The following NR4A1 variants were observed in gnomAD, a reference collection of about 807,000 sequenced individuals.
NR4A1 encodes nuclear receptor subfamily 4 group A member 1.
A neutral mutation model predicts 47.5 loss-of-function variants in NR4A1; 24 were observed. The observed-to-expected ratio is 0.50, with a 90% CI of 0.37 to 0.71. NR4A1 has a LOEUF of 0.71. Among genes scored for constraint, NR4A1 ranks in the 30% least tolerant of loss-of-function variants. The pLI is 0.00. For missense variants in NR4A1, 669 were observed against 788.6 expected (o/e 0.85, Z 1.82); for synonymous variants, 353 against 345.7 (o/e 1.02, Z -0.24).
chr12:52,028,732 C>T (rs1250533281), intron 1 of NR4A1, among the ~76,000 whole-genome samples: 8 of 151,872 alleles, frequency 5.3e-5, no homozygotes, highest in South Asian at 2.1e-4. Context: ...GGTGAAACCC[C>T]GTCTCTACTA....
chr12:52,056,238 C>A, intron 3 of NR4A1, 79 bp downstream of exon 3: 1 of 1,503,810 alleles, frequency 6.6e-7, no homozygotes, highest in Non-Finnish European at 8.9e-7. Context: ...CAGGCTTCTG[C>A]CCTGGAGGAC....
At chr12:52,032,421 A>C (rs1353562987) in intron 1 of NR4A1, among the ~76,000 whole-genome samples, 1 of 152,222 alleles carries the variant, frequency 6.6e-6, no homozygotes, top group East Asian at 1.9e-4. Flanking sequence ...GATCCTGGGT[A>C]CTTCTCAGCG....
At chr12:52,055,894 A>C in intron 2 of NR4A1, 136 bp from the exon 3 acceptor site, 1 of 453,084 alleles carries the variant, frequency 2.2e-6, no homozygotes, top group Non-Finnish European at 3.8e-6. Flanking sequence ...TTGCCACCCA[A>C]ATGTTAGAAA....
Position 52,055,015 on chromosome 12 carries a change from C to A in NR4A1, c.687C>A (p.Ala229=). The A allele has an allele frequency of 6.2e-7, 1 of 1,614,232 alleles. No homozygotes were observed. The highest frequency in any genetic ancestry group is 1.1e-5 in the South Asian group (1 of 91,090). Residue 229 remains alanine, a synonymous_variant, in exon 2 of 7, where the codon GCC becomes GCA. Coordinates refer to ENST00000394825, the MANE Select transcript of NR4A1 (RefSeq NM_173157.3). The part of the protein sequence containing the change: ...GEGESYSMPT[A]FPGLAPTSPH... ...GAGAGAGCTATTCCATGCCTACGGC[C>A]TTCCCAGGTTTGGCACCCACTTCTC...
chr12:52,032,467 C>A (rs570616978), intron 1 of NR4A1, among the ~76,000 whole-genome samples: 105 of 152,306 alleles, frequency 6.9e-4, no homozygotes, highest in Middle Eastern at 6.8e-3. Flanking sequence ...CATAATAAAT[C>A]TTTTTCTATA....
At chr12:52,038,196 C>G (rs1938312239) in intron 1 of NR4A1, 1 of 512,166 alleles carries the variant, frequency 2.0e-6, no homozygotes, top group African/African-American at 2.1e-5. Flanking sequence ...TCCAGAGTAG[C>G]TGGGACTACA....
At chr12:52,025,956 G>A (rs1205129633) in intron 1 of NR4A1, among the ~76,000 whole-genome samples, 1 of 152,230 alleles carries the variant, frequency 6.6e-6, no homozygotes, top group African/African-American at 2.4e-5. Flanking sequence ...CCGGAAGCAG[G>A]AGGGCCCCCT....
upstream of NR4A1, among the ~76,000 whole-genome samples, chr12:52,049,657 AGAC>A (rs1260515623): frequency 1.3e-4 from 20 of 152,344 alleles, no homozygotes; most frequent in East Asian, 2.3e-3. Flanking sequence ...CTTGTCTCAA[AGAC>A]AACAAAACAA....
At chr12:52,025,152 C>G (rs1937977732) in intron 1 of NR4A1, among the ~76,000 whole-genome samples, 1 of 151,972 alleles carries the variant, frequency 6.6e-6, no homozygotes, top group African/African-American at 2.4e-5. Context: ...CTCCGTCCCC[C>G]GGGTTCAAGT....
At chr12:52,040,732 G>A (rs1428509695) in intron 1 of NR4A1, among the ~76,000 whole-genome samples, 2 of 152,188 alleles carry the variant, frequency 1.3e-5, no homozygotes, top group East Asian at 3.9e-4. Context: ...TAGACCTTGG[G>A]CAAAGGTCAG....
rs1014231126 is a variant in NR4A1, at chr12:52,056,278, C to T, written c.1006+119C>T. ...AGGAGGGCACGTCTTATTTCCACCC[C>T]ACCTCTGAACCCCAGGCCTTGGAGG... On this transcript the variant is annotated intron_variant, in intron 3 of 6. Coordinates refer to ENST00000394825, the MANE Select transcript of NR4A1 (RefSeq NM_173157.3). The T allele has an allele frequency of 1.7e-5, 24 of 1,438,544 alleles. 2 individuals are homozygous for T. In the Admixed American group the frequency reaches 3.2e-4, roughly 19 times the overall value. 89.1% of individuals were successfully genotyped at this position (1,438,544 alleles called of 1,614,324 possible).
At chr12:52,025,616 C>T (rs987667957) in intron 1 of NR4A1, among the ~76,000 whole-genome samples, 1 of 152,194 alleles carries the variant, frequency 6.6e-6, no homozygotes, top group Admixed American at 6.5e-5. Context: ...CTTCATTGCA[C>T]TTCTCGTTAT....
At chr12:52,053,264 G>T (rs920557148) in intron 1 of NR4A1, among the ~76,000 whole-genome samples, 2 of 152,056 alleles carry the variant, frequency 1.3e-5, no homozygotes, top group African/African-American at 4.8e-5. Context: ...CTCTCTTCAG[G>T]CTCCTCGGGA....
Position 52,058,793 on chromosome 12 carries a change from C to G in NR4A1, c.1646C>G (p.Ala549Gly). Residue 549 changes from alanine to glycine, a missense_variant, in exon 7 of 7, where the codon GCC becomes GGC. Ala to Gly is a moderately conservative substitution (Grantham distance 60, BLOSUM62 0). Coordinates refer to ENST00000394825, the MANE Select transcript of NR4A1 (RefSeq NM_173157.3). Reference protein sequence around the residue: ...VAAVAGEPQPASCLSRLLGKL... With the variant: ...VAAVAGEPQPGSCLSRLLGKL... ...GCTGTGGCGGGCGAGCCCCAGCCAG[C>G]CAGCTGCCTGTCACGTCTGTTGGGC... is the stretch of plus-strand genomic sequence containing the variant. The G allele has an allele frequency of 6.2e-7, 1 of 1,612,610 alleles. No individual in the cohort carries two copies. Among genetic ancestry groups the G allele is most frequent in the Non-Finnish European group, 8.5e-7 (1 of 1,179,734 alleles).
intron 6 of NR4A1, 96 bp downstream of exon 6, chr12:52,057,626 G>C: frequency 7.0e-7 from 1 of 1,431,364 alleles, no homozygotes; most frequent in Non-Finnish European, 9.5e-7. Context: ...TGGTGGGCCG[G>C]GATCTAGCAC....
intron 1 of NR4A1, among the ~76,000 whole-genome samples, chr12:52,040,641 A>G (rs1006324222): frequency 1.3e-5 from 2 of 152,088 alleles, no homozygotes; most frequent in Non-Finnish European, 2.9e-5. Flanking sequence ...TCATACCCAC[A>G]GGATCGGGAG....
intron 6 of NR4A1, 176 bp from the exon 7 acceptor site, chr12:52,058,512 C>G: frequency 1.2e-6 from 1 of 816,460 alleles, no homozygotes; most frequent in Non-Finnish European, 1.9e-6. Flanking sequence ...ATGAGGGTTA[C>G]TGCTTCTCAG....
chr12:52,044,549 CA>C (rs1026872054), intron 2 of NR4A1, among the ~76,000 whole-genome samples: 1 of 151,698 alleles, frequency 6.6e-6, no homozygotes, highest in Non-Finnish European at 1.5e-5. Context: ...TCCCAGTTCT[CA>C]AAAAAAAATT....
At chr12:52,042,279 G>A (rs1938469453) in intron 2 of NR4A1, among the ~76,000 whole-genome samples, 5 of 152,138 alleles carry the variant, frequency 3.3e-5, no homozygotes, top group Admixed American at 2.6e-4. Context: ...TGGGGGCTGG[G>A]CTGGGAGCAT....
Sources: gnomAD v4.1 joint callset for allele counts (sites outside exome capture counted in the v4.1 genomes callset) on GRCh38, gnomAD v4.1.1 for gene constraint, MANE v1.5 for transcripts, NCBI Gene and HGNC (gene_info 2026-07-23, HGNC 2026-07-21) for gene names.